Variants in TAOK1 observed in about 807,000 individuals in gnomAD.
The protein encoded by TAOK1 is TAO kinase 1.
TAOK1 carries 21 observed loss-of-function variants against 138.3 expected under a neutral mutation model. That is an observed-to-expected ratio of 0.15 (90% CI 0.11 to 0.22). TAOK1 has a LOEUF of 0.22. Ranked by LOEUF, TAOK1 falls within the 10% of genes least tolerant of loss-of-function variation. TAOK1 has a pLI of 1.00. For missense variants in TAOK1, 651 were observed against 1,227.7 expected, an observed-to-expected ratio of 0.53 and a Z score of 7.02; for synonymous variants, 361 against 398.4, an observed-to-expected ratio of 0.91 and a Z score of 1.12.
intron 1 of TAOK1, among the ~76,000 whole-genome samples, chr17:29,403,174 A>T (rs921145597): frequency 2.0e-5 from 3 of 151,042 alleles, no homozygotes; most frequent in African/African-American, 7.3e-5. Flanking sequence ...AAAAAAAAAA[A>T]AAAAAAAAAA....
rs183723175 is a variant in TAOK1 at position 29,403,553 on chromosome 17, A to T, written c.-95+12529A>T. On this transcript the variant is annotated intron_variant, in intron 1 of 19. Transcript: ENST00000261716. ...TTATTTAATATATAGTATTTAAGTA[A>T]TCTCCTGCTGCATAAATGGTAGATG... Among the ~76,000 whole-genome samples the T allele has an allele frequency of 3.0e-3, 462 of 152,286 alleles. 2 individuals are homozygous for T. Among genetic ancestry groups the T allele is most frequent in the Non-Finnish European group, 5.2e-3 (355 of 68,028 alleles).
chr17:29,525,657 A>G (rs946975999), intron 17 of TAOK1, among the ~76,000 whole-genome samples: 6 of 152,090 alleles, frequency 3.9e-5, no homozygotes, highest in African/African-American at 1.4e-4. Flanking sequence ...AGCTTCCCAA[A>G]CTGCTAGGAT....
intron 6 of TAOK1, among the ~76,000 whole-genome samples, chr17:29,479,747 C>T (rs1443627246): frequency 6.6e-6 from 1 of 152,040 alleles, no homozygotes; most frequent in Non-Finnish European, 1.5e-5. Context: ...ATTAGATGGA[C>T]AGTCTTATTA....
At chr17:29,411,836 A>G (rs534957312) in intron 1 of TAOK1, among the ~76,000 whole-genome samples, 1 of 152,280 alleles carries the variant, frequency 6.6e-6, no homozygotes, top group African/African-American at 2.4e-5. Context: ...AGTTTCCAGC[A>G]TTCTTGAAGG....
At chr17:29,495,816 T>C (rs555009015) in intron 11 of TAOK1, 89 bp downstream of exon 11, 313 of 1,160,138 alleles carry the variant, frequency 2.7e-4, no homozygotes, top group Non-Finnish European at 3.5e-4. Context: ...TTACCTTATA[T>C]ACCAAGGGTT....
At chr17:29,408,838 A>G (rs1187587465) in intron 1 of TAOK1, among the ~76,000 whole-genome samples, 4 of 151,708 alleles carry the variant, frequency 2.6e-5, no homozygotes, top group Non-Finnish European at 4.4e-5. Context: ...TCAGCCTCCC[A>G]AGTAGCTGGG....
chr17:29,476,159 G>T (rs958394853), intron 4 of TAOK1, among the ~76,000 whole-genome samples: 7 of 152,136 alleles, frequency 4.6e-5, no homozygotes, highest in African/African-American at 1.7e-4. Flanking sequence ...GGTGAATCCT[G>T]GTGAAATTTG....
At chr17:29,538,970 A>G (rs1166683588) in intron 19 of TAOK1, among the ~76,000 whole-genome samples, 1 of 152,160 alleles carries the variant, frequency 6.6e-6, no homozygotes, top group East Asian at 1.9e-4. Flanking sequence ...AAGAATTAAA[A>G]TTTGGGGGTG....
intron 8 of TAOK1, among the ~76,000 whole-genome samples, chr17:29,487,246 CAAAAAAAAAAAAAAAA>C (rs71138823): frequency 6.6e-5 from 6 of 90,290 alleles, no homozygotes; most frequent in East Asian, 4.8e-4. Context: ...ACTGTGTCTC[CAAAAAAAAAAAAAAAA>C]AAAAAAAAAA....
intron 1 of TAOK1, among the ~76,000 whole-genome samples, chr17:29,439,360 G>A (rs1013662910): frequency 1.3e-5 from 2 of 151,926 alleles, no homozygotes; most frequent in Non-Finnish European, 2.9e-5. Flanking sequence ...GCGCCACCAT[G>A]CCTGGCTAAT....
At chr17:29,503,500 A>G (rs946650423) in intron 13 of TAOK1, among the ~76,000 whole-genome samples, 7 of 152,036 alleles carry the variant, frequency 4.6e-5, no homozygotes, top group African/African-American at 1.2e-4. Context: ...ACAATGTGGT[A>G]TACTCTAAAT....
chr17:29,415,563 T>C (rs1442835435), intron 1 of TAOK1, among the ~76,000 whole-genome samples: 1 of 152,242 alleles, frequency 6.6e-6, no homozygotes, highest in African/African-American at 2.4e-5. Flanking sequence ...TACTTCTTTG[T>C]AGTTTTGATT....
intron 12 of TAOK1, among the ~76,000 whole-genome samples, chr17:29,500,752 A>C (rs1274570164): frequency 2.0e-5 from 3 of 152,202 alleles, no homozygotes; most frequent in African/African-American, 2.4e-5. Flanking sequence ...AAAAAAAAAA[A>C]AACTGTGGTT....
rs1361195061 is a variant in TAOK1 at position 29,489,661 on chromosome 17, C to T, written c.656-3C>T. 3.1e-6 allele frequency: 5 copies of T among 1,596,938 alleles called. No homozygotes were observed. The African/African-American group carries it at 4.1e-5, about 13-fold the overall frequency. On this transcript the variant is annotated splice_polypyrimidine_tract_variant and splice_region_variant and intron_variant, in intron 8 of 19. Coordinates refer to ENST00000261716, the MANE Select transcript of TAOK1 (RefSeq NM_020791.4). Reference sequence around the variant, plus strand: ...TAACAGGAATGTTTCCTTTCTTTTACAGCGGAAAGGAAGCCTCCTTTATTT... The same window carrying T: ...TAACAGGAATGTTTCCTTTCTTTTATAGCGGAAAGGAAGCCTCCTTTATTT...
intron 2 of TAOK1, among the ~76,000 whole-genome samples, chr17:29,454,753 G>GT (rs1199510638): frequency 6.6e-6 from 1 of 151,680 alleles, no homozygotes; most frequent in Admixed American, 6.6e-5. Context: ...CCAGGTTAGA[G>GT]TGCAGTGGTG....
chr17:29,394,464 AAATTTGCCAGTTCTT>A (rs1412927627), intron 1 of TAOK1, among the ~76,000 whole-genome samples: 1 of 151,960 alleles, frequency 6.6e-6, no homozygotes, highest in African/African-American at 2.4e-5. Context: ...CGTGCCCGGC[AAATTTGCCAGTTCTT>A]AATAGACATG....
At chr17:29,463,466 G>A (rs1192003083) in intron 2 of TAOK1, among the ~76,000 whole-genome samples, 5 of 152,014 alleles carry the variant, frequency 3.3e-5, no homozygotes, top group African/African-American at 1.2e-4. Context: ...AGCTACTCCG[G>A]GGGCTGAGGC....
chr17:29,460,738 C>T (rs757878780), intron 2 of TAOK1, among the ~76,000 whole-genome samples: 1 of 152,026 alleles, frequency 6.6e-6, no homozygotes, highest in Non-Finnish European at 1.5e-5. Flanking sequence ...GAAAGGTTGG[C>T]ATGTATCAGA....
chr17:29,472,044 T>G (rs1394981902), intron 3 of TAOK1, among the ~76,000 whole-genome samples: 1 of 152,192 alleles, frequency 6.6e-6, no homozygotes, highest in Non-Finnish European at 1.5e-5. Flanking sequence ...CTGCAATTAT[T>G]TCCTCCACTG....
Sources: gnomAD v4.1 joint callset for allele counts (sites outside exome capture counted in the v4.1 genomes callset) on GRCh38, gnomAD v4.1.1 for gene constraint, MANE v1.5 for transcripts, NCBI Gene and HGNC (gene_info 2026-07-23, HGNC 2026-07-21) for gene names.